ADGRB3: variants seen among roughly 807,000 people sequenced by gnomAD.
The protein encoded by ADGRB3 is brain-specific angiogenesis inhibitor 3.
ADGRB3 carries 37 observed loss-of-function variants against 193.4 expected under a neutral mutation model. That is an observed-to-expected ratio of 0.19 (90% CI 0.15 to 0.25). The LOEUF (loss-of-function observed/expected upper bound fraction) is 0.25, where lower values mean the gene tolerates loss of function less well. Among genes scored for constraint, ADGRB3 ranks in the 10% least tolerant of loss-of-function variants. The probability of loss-of-function intolerance (pLI) is 1.00; values close to 1 mark genes in which losing one functional copy is unlikely to be tolerated. For missense variants in ADGRB3, 1,637 were observed against 1,852.9 expected (o/e 0.88, Z 2.14); for synonymous variants, 690 against 644.2 (o/e 1.07, Z -1.08).
At chr6:68,676,845 A>C (rs1185497587) in intron 3 of ADGRB3, among the ~76,000 whole-genome samples, 4 of 152,214 alleles carry the variant, frequency 2.6e-5, no homozygotes, top group Non-Finnish European at 5.9e-5. Flanking sequence ...CCTGCAGTTA[A>C]ACGAAAGTGA....
rs372475812 is a variant in ADGRB3 at position 69,388,762 on chromosome 6, G to A, written c.4440G>A (p.Pro1480=). 66 of 1,613,260 alleles carry A rather than the reference G, an allele frequency of 4.1e-5. No individual in the cohort carries two copies. Among genetic ancestry groups the A allele is most frequent in the African/African-American group, 9.4e-5 (7 of 74,838 alleles). ...WDTFKNPSEY[P]HYTTINVLDT... ...CTTTCAAAAACCCCAGTGAATACCC[G>A]CATTACACCACAATCAATGTCTTAG... is the stretch of plus-strand genomic sequence containing the variant. The change falls in exon 32 of 32, where the codon CCG becomes CCA. Residue 1480 remains proline (P), a synonymous_variant. Transcript: ENST00000370598.
chr6:69,117,481 A>G (rs530621842), intron 17 of ADGRB3, among the ~76,000 whole-genome samples: 98 of 152,302 alleles, frequency 6.4e-4, no homozygotes, highest in African/African-American at 2.3e-3. Flanking sequence ...ACAGAAAAAG[A>G]TACTCTAATA....
chr6:68,823,322 A>T (rs1173809476), intron 3 of ADGRB3, among the ~76,000 whole-genome samples: 2 of 151,424 alleles, frequency 1.3e-5, no homozygotes, highest in African/African-American at 4.8e-5. Context: ...GAATTTACTT[A>T]AAAAAATGTA....
chr6:69,199,662 A>G (rs377511019), intron 17 of ADGRB3, among the ~76,000 whole-genome samples: 1 of 152,112 alleles, frequency 6.6e-6, no homozygotes, highest in East Asian at 1.9e-4. Flanking sequence ...TTTTATTGCA[A>G]CAGAAGCCAT....
At chr6:69,299,880 C>T (rs1767912533) in intron 20 of ADGRB3, among the ~76,000 whole-genome samples, 1 of 151,500 alleles carries the variant, frequency 6.6e-6, no homozygotes, top group Admixed American at 6.6e-5. Context: ...TTTGTGATTC[C>T]ATTTAAATTT....
intron 20 of ADGRB3, among the ~76,000 whole-genome samples, chr6:69,258,242 G>T (rs1273714492): frequency 1.3e-5 from 2 of 152,158 alleles, no homozygotes; most frequent in African/African-American, 4.8e-5. Flanking sequence ...CAAGGTACAG[G>T]ATTGAAAATG....
At chr6:68,724,821 G>A (rs1452234281) in intron 3 of ADGRB3, among the ~76,000 whole-genome samples, 1 of 151,516 alleles carries the variant, frequency 6.6e-6, no homozygotes, top group Non-Finnish European at 1.5e-5. Flanking sequence ...GGTGTGTTGG[G>A]GCACTGGGAA....
chr6:69,148,368 G>C (rs1164686817), intron 17 of ADGRB3, among the ~76,000 whole-genome samples: 2 of 152,048 alleles, frequency 1.3e-5, no homozygotes, highest in Admixed American at 6.6e-5. Flanking sequence ...TTAAACTGAT[G>C]ACAACGGTGA....
Position 68,811,644 on chromosome 6 carries a change from A to G in ADGRB3, c.758-118915A>G, listed in dbSNP as rs913493246. Among the ~76,000 whole-genome samples, 4 of 152,090 alleles carry G rather than the reference A, an allele frequency of 2.6e-5. No individual in the cohort carries two copies. In the South Asian group the frequency reaches 8.3e-4, roughly 32 times the overall value. ...CCACCATGCCTGGCTAATTTTTTGT[A>G]TTTTTAGTAGAGACAGGGTTTCACC... On this transcript the variant is annotated intron_variant, in intron 3 of 31. Transcript: ENST00000370598.
chr6:69,372,419 G>T lies in ADGRB3; in HGVS notation c.4253G>T (p.Arg1418Leu). 1 of 1,369,046 alleles carries T rather than the reference G, an allele frequency of 7.3e-7. No homozygotes were observed. The highest frequency in any genetic ancestry group is 1.0e-6 in the Non-Finnish European group (1 of 1,000,154). The allele number at this position is 1,369,046 out of a possible 1,614,324, so 84.8% of individuals were successfully genotyped here. Residue 1418 changes from arginine (R) to leucine (L), a missense_variant, in exon 30 of 32, where the codon CGA (arginine) becomes CTA (leucine). Coordinates refer to ENST00000370598, the MANE Select transcript of ADGRB3 (RefSeq NM_001704.3). The stretch of plus-strand genomic sequence containing the variant: ...TATATCTTACAGAGAAGAAAATCAC[G>T]ATATTCAGACCTTGACTTTGAGGTA... ...SMSSLERRKS[R>L]YSDLDFEKVM...
intron 3 of ADGRB3, among the ~76,000 whole-genome samples, chr6:68,724,409 A>G (rs982852170): frequency 2.6e-5 from 4 of 151,696 alleles, no homozygotes; most frequent in African/African-American, 4.8e-5. Context: ...CTATATTTCA[A>G]TAGTTTATTG....
intron 20 of ADGRB3, among the ~76,000 whole-genome samples, chr6:69,292,876 C>T (rs1290449228): frequency 6.6e-6 from 1 of 151,716 alleles, no homozygotes; most frequent in Non-Finnish European, 1.5e-5. Flanking sequence ...CCCGTCCCCC[C>T]ACCCCACAAC....
chr6:68,644,029 C>T (rs1768146534), intron 3 of ADGRB3, among the ~76,000 whole-genome samples: 1 of 149,794 alleles, frequency 6.7e-6, no homozygotes, highest in South Asian at 2.1e-4. Context: ...AAAAAAAAAA[C>T]CCTGAGGCTT....
chr6:68,729,040 G>A (rs1765724725), intron 3 of ADGRB3, among the ~76,000 whole-genome samples: 1 of 151,410 alleles, frequency 6.6e-6, no homozygotes, highest in African/African-American at 2.4e-5. Context: ...GAAATTAGAG[G>A]ACATAAGATA....
intron 3 of ADGRB3, among the ~76,000 whole-genome samples, chr6:68,661,533 G>GTATAAATATATA (rs1561986486): frequency 2.0e-5 from 1 of 50,054 alleles, no homozygotes; most frequent in Admixed American, 3.4e-4. Context: ...ATATATATGT[G>GTATAAATATATA]TATACATATA....
chr6:69,077,979 C>A (rs1237973995), intron 17 of ADGRB3, among the ~76,000 whole-genome samples: 2 of 152,016 alleles, frequency 1.3e-5, no homozygotes, highest in East Asian at 1.9e-4. Context: ...GTTAAGGCAA[C>A]TTTATTTCCT....
intron 4 of ADGRB3, among the ~76,000 whole-genome samples, chr6:68,931,668 T>A (rs553220348): frequency 6.6e-6 from 1 of 152,278 alleles, no homozygotes; most frequent in African/African-American, 2.4e-5. Flanking sequence ...TTTCCTTCAG[T>A]TCACATGTTC....
intron 8 of ADGRB3, among the ~76,000 whole-genome samples, chr6:68,970,971 T>C (rs537338277): frequency 8.5e-5 from 13 of 152,174 alleles, no homozygotes; most frequent in Admixed American, 2.6e-4. Flanking sequence ...ACAAGCAGCA[T>C]TGTGGAGAAT....
intron 22 of ADGRB3, among the ~76,000 whole-genome samples, chr6:69,328,748 CA>C (rs1441171975): frequency 6.6e-6 from 1 of 152,152 alleles, no homozygotes. Context: ...CTCCTGTCAT[CA>C]GAGCATTTTT....
Sources: allele counts gnomAD v4.1 joint callset (sites outside exome capture counted in the v4.1 genomes callset), GRCh38; gene constraint gnomAD v4.1.1; transcripts MANE v1.5; gene names NCBI Gene and HGNC (gene_info 2026-07-23, HGNC 2026-07-21).